Variants in ANKS1B observed in about 807,000 individuals in gnomAD.
The protein encoded by ANKS1B is ankyrin repeat and sterile alpha motif domain-containing protein 1B.
A neutral mutation model predicts 148.3 loss-of-function variants in ANKS1B; 36 were observed. The ratio of observed to expected loss-of-function variants is 0.24; its 90% CI spans 0.19 to 0.32. The LOEUF is 0.32. Ranked by LOEUF, ANKS1B falls within the 10% of genes least tolerant of loss-of-function variation. The probability of loss-of-function intolerance (pLI) is 1.00; values close to 1 mark genes in which losing one functional copy is unlikely to be tolerated. For synonymous variants in ANKS1B, 542 were observed against 560.8 expected (o/e 0.97, Z 0.47); for missense variants, 1,157 against 1,542.6 (o/e 0.75, Z 4.19).
At chr12:99,070,221 C>A (rs887468432) in intron 16 of ANKS1B, among the ~76,000 whole-genome samples, 1 of 152,068 alleles carries the variant, frequency 6.6e-6, no homozygotes, top group African/African-American at 2.4e-5. Flanking sequence ...GAAGACCAAC[C>A]ATCAGGCTAG....
intron 17 of ANKS1B, among the ~76,000 whole-genome samples, chr12:98,866,842 C>T (rs1340159758): frequency 3.3e-5 from 5 of 152,172 alleles, no homozygotes; most frequent in Non-Finnish European, 7.3e-5. Context: ...GCTATCTCTA[C>T]TGCAGCAATT....
intron 9 of ANKS1B, among the ~76,000 whole-genome samples, chr12:99,590,472 T>C (rs1175845895): frequency 1.3e-5 from 2 of 152,142 alleles, no homozygotes; most frequent in Non-Finnish European, 2.9e-5. Flanking sequence ...AGAGATCCTA[T>C]TTCTCATGTC....
At chr12:99,537,073 G>A (rs1262946039) in intron 9 of ANKS1B, among the ~76,000 whole-genome samples, 2 of 152,114 alleles carry the variant, frequency 1.3e-5, no homozygotes, top group Non-Finnish European at 2.9e-5. Flanking sequence ...CCATGTTGTT[G>A]CAAATGACTT....
intron 14 of ANKS1B, among the ~76,000 whole-genome samples, chr12:99,203,358 T>C (rs1024580596): frequency 2.0e-5 from 3 of 152,176 alleles, no homozygotes; most frequent in African/African-American, 7.2e-5. Flanking sequence ...CTGACATCTA[T>C]TGAAGTCTTT....
At chr12:98,743,917 G>A (rs1369424454), downstream of ANKS1B, 6 of 838,244 alleles carry the variant, frequency 7.2e-6, no homozygotes, top group Non-Finnish European at 8.6e-6. Flanking sequence ...CTGGGCCTTT[G>A]GTTCTGCTCC....
At chr12:99,384,609 G>A (rs1378940047) in intron 12 of ANKS1B, among the ~76,000 whole-genome samples, 2 of 150,872 alleles carry the variant, frequency 1.3e-5, no homozygotes, top group South Asian at 4.2e-4. Flanking sequence ...TCCTTTCCCT[G>A]CCCTGCCCTG....
At chr12:99,396,571 A>G (rs1555415302) in intron 12 of ANKS1B, among the ~76,000 whole-genome samples, 1 of 152,176 alleles carries the variant, frequency 6.6e-6, no homozygotes, top group Non-Finnish European at 1.5e-5. Flanking sequence ...TTTAAAGGTC[A>G]GACCTGAAAA....
At chr12:98,999,373 A>T (rs1171596902) in intron 17 of ANKS1B, among the ~76,000 whole-genome samples, 1 of 152,184 alleles carries the variant, frequency 6.6e-6, no homozygotes, top group Non-Finnish European at 1.5e-5. Flanking sequence ...GGAGCAAAGT[A>T]GCTTATGTGG....
chr12:99,921,826 T>C (rs915404255), intron 1 of ANKS1B, among the ~76,000 whole-genome samples: 2 of 152,164 alleles, frequency 1.3e-5, no homozygotes, highest in Admixed American at 1.3e-4. Flanking sequence ...GTATAAATTT[T>C]CAAGGAAAAA....
At chr12:99,282,545 G>C (rs1358948450) in intron 12 of ANKS1B, among the ~76,000 whole-genome samples, 1 of 152,152 alleles carries the variant, frequency 6.6e-6, no homozygotes, top group East Asian at 1.9e-4. Flanking sequence ...CAATTAAAAG[G>C]CTATTATTCC....
intron 9 of ANKS1B, among the ~76,000 whole-genome samples, chr12:99,537,548 G>A (rs1215298091): frequency 6.6e-6 from 1 of 152,064 alleles, no homozygotes; most frequent in African/African-American, 2.4e-5. Flanking sequence ...CTGTTTTCCA[G>A]TTGTGTATGT....
chr12:98,876,909 G>T (rs1305547049), intron 17 of ANKS1B, among the ~76,000 whole-genome samples: 5 of 152,140 alleles, frequency 3.3e-5, no homozygotes, highest in Non-Finnish European at 7.4e-5. Flanking sequence ...CATCCTTTTG[G>T]AAGCAGCATT....
chr12:99,711,551 C>A (rs2056635256), intron 8 of ANKS1B, among the ~76,000 whole-genome samples: 1 of 152,164 alleles, frequency 6.6e-6, no homozygotes, highest in Non-Finnish European at 1.5e-5. Flanking sequence ...AACGTGAACA[C>A]TTTCCTAAAG....
rs559290465 is a variant in ANKS1B, at chr12:98,865,438, T to C, written c.2779-33302A>G. Among the ~76,000 whole-genome samples the C allele has an allele frequency of 2.0e-5, 3 of 152,334 alleles. No individual in the cohort carries two copies. The South Asian group carries it at 6.2e-4, about 32-fold the overall frequency. On this transcript the variant is annotated intron_variant, in intron 17 of 26. Coordinates refer to ENST00000683438, the MANE Select transcript of ANKS1B (RefSeq NM_001352186.2). ...ATTTAACAAGCGTTAGCTGAGTGGC[T>C]ATTATGTTCCTGGCATTATTCTAGA...
intron 12 of ANKS1B, among the ~76,000 whole-genome samples, chr12:99,312,996 A>G (rs1275234477): frequency 6.6e-6 from 1 of 152,154 alleles, no homozygotes; most frequent in Non-Finnish European, 1.5e-5. Flanking sequence ...TGGTTTTTTG[A>G]AAAAATTAAC....
intron 4 of ANKS1B, among the ~76,000 whole-genome samples, chr12:99,783,932 T>C (rs1016329680): frequency 6.6e-6 from 1 of 152,136 alleles, no homozygotes; most frequent in African/African-American, 2.4e-5. Context: ...GATATGCTAA[T>C]TACCCTATCA....
At chr12:99,537,009 T>C (rs2097076591) in intron 9 of ANKS1B, among the ~76,000 whole-genome samples, 1 of 152,122 alleles carries the variant, frequency 6.6e-6, no homozygotes, top group Non-Finnish European at 1.5e-5. Context: ...ACATTTGAAG[T>C]TTGTCTTTCT....
In ANKS1B at chr12:99,754,644, C is replaced by G. The variant is rs371498364; in HGVS notation, c.1128+18278G>C. On this transcript the variant is annotated intron_variant, in intron 8 of 26. Coordinates refer to ENST00000683438, the MANE Select transcript of ANKS1B (RefSeq NM_001352186.2). ...CAAAAGAACTGAAAATCATAACAAA[C>G]AGTCTCTCAGACCACAGTGCAATTA... 4.5e-4 allele frequency among the ~76,000 whole-genome samples: 69 copies of G among 152,218 alleles called. No homozygotes were observed. The South Asian group carries it at 0.014, about 31-fold the overall frequency.
intron 4 of ANKS1B, among the ~76,000 whole-genome samples, chr12:99,785,242 A>G (rs2064882564): frequency 1.3e-5 from 2 of 149,444 alleles, no homozygotes; most frequent in African/African-American, 5.0e-5. Context: ...CAAGAATCTA[A>G]CAAGTATCAG....
Sources: allele counts gnomAD v4.1 joint callset (sites outside exome capture counted in the v4.1 genomes callset), GRCh38; gene constraint gnomAD v4.1.1; transcripts MANE v1.5; gene names NCBI Gene and HGNC (gene_info 2026-07-23, HGNC 2026-07-21).